The following STS variants were observed in gnomAD, a reference collection of about 807,000 sequenced individuals.
STS encodes the protein steroid sulfatase.
A neutral mutation model predicts 26.8 loss-of-function variants in STS; 7 were observed. The observed-to-expected ratio is 0.26, with a 90% CI of 0.15 to 0.49. The LOEUF (loss-of-function observed/expected upper bound fraction) is 0.49. STS is among the 20% of genes least tolerant of loss of function. The pLI is 0.98. For missense variants in STS, 434 were observed against 465.6 expected (o/e 0.93, Z 0.63); for synonymous variants, 199 against 189.4 (o/e 1.05, Z -0.42).
At chrX:7,279,259 G>A (rs1292796476) in intron 7 of STS, among the ~76,000 whole-genome samples, 2 of 95,068 alleles carry the variant, frequency 2.1e-5, no homozygotes, top group Admixed American at 2.4e-4. Flanking sequence ...AGCCGAGATC[G>A]CACCACTGTA....
Position 7,333,885 on chromosome X carries a change from T to C in STS, c.1242-101T>C, listed in dbSNP as rs192864762. On this transcript the variant is annotated intron_variant, in intron 9 of 10. Coordinates refer to ENST00000674429, the MANE Select transcript of STS (RefSeq NM_001320752.2). ...CCAGGTGGGGTCAGTCTTCTTTGTATTAATTACGACTGGAGCTCCCTCATG... is the reference window on the plus strand; with the variant it reads ...CCAGGTGGGGTCAGTCTTCTTTGTACTAATTACGACTGGAGCTCCCTCATG... 231 of 1,139,091 alleles carry C rather than the reference T, an allele frequency of 2.0e-4. No individual in the cohort carries two copies. The East Asian group carries it at 5.4e-3, about 27-fold the overall frequency. 93.9% of individuals were successfully genotyped at this position (1,139,091 alleles called of 1,213,427 possible). A position where few individuals can be genotyped will look rare whatever the true frequency, so the allele number is the denominator to read the frequency against.
intron 1 of STS, among the ~76,000 whole-genome samples, chrX:7,173,113 C>T (rs184710099): frequency 9.0e-6 from 1 of 110,681 alleles, no homozygotes; most frequent in East Asian, 2.9e-4. Flanking sequence ...ACACAGGCCC[C>T]AGTGTGTGTT....
intron 7 of STS, among the ~76,000 whole-genome samples, chrX:7,276,477 A>AAT (rs1569209875): frequency 1.8e-5 from 2 of 111,240 alleles, no homozygotes; most frequent in Admixed American, 9.5e-5. Flanking sequence ...TCTTAAAAAA[A>AAT]ATATATATAT....
intron 8 of STS, among the ~76,000 whole-genome samples, chrX:7,318,285 G>A (rs1193292423): frequency 1.8e-5 from 2 of 111,125 alleles, no homozygotes; most frequent in African/African-American, 6.5e-5. Flanking sequence ...GCCCGGGAGA[G>A]CAGATTTCGG....
At chrX:7,197,148 T>C (rs776677481) in intron 2 of STS, among the ~76,000 whole-genome samples, 3 of 111,937 alleles carry the variant, frequency 2.7e-5, no homozygotes, top group Non-Finnish European at 5.6e-5. Flanking sequence ...CCAGTAGGCT[T>C]CCTTCCTCTC....
At chrX:7,319,965 A>T (rs1601740268) in intron 8 of STS, among the ~76,000 whole-genome samples, 1 of 90,307 alleles carries the variant, frequency 1.1e-5, no homozygotes. Flanking sequence ...TTATATATAT[A>T]TTTTATATAT....
chrX:7,216,365 G>T (rs775654711), intron 2 of STS, among the ~76,000 whole-genome samples: 1 of 111,366 alleles, frequency 9.0e-6, no homozygotes, highest in South Asian at 3.8e-4. Context: ...CAACTCCATT[G>T]GTCCAAAAGT....
chrX:7,300,672 A>G (rs1203641851), intron 7 of STS, among the ~76,000 whole-genome samples: 1 of 111,432 alleles, frequency 9.0e-6, no homozygotes, highest in East Asian at 2.8e-4. Flanking sequence ...GTTGAGCTAA[A>G]TATTCTACCA....
intron 10 of STS, among the ~76,000 whole-genome samples, chrX:7,337,285 A>G (rs1221210380): frequency 8.9e-6 from 1 of 112,167 alleles, no homozygotes; most frequent in Non-Finnish European, 1.9e-5. Context: ...TAGCGCTGGC[A>G]TCTGTCAGTG....
intron 7 of STS, among the ~76,000 whole-genome samples, chrX:7,296,995 A>C (rs1007952059): frequency 3.6e-5 from 4 of 112,281 alleles, no homozygotes; most frequent in Non-Finnish European, 5.6e-5. Flanking sequence ...TAGAATGGCG[A>C]CATTGCACTC....
chrX:7,226,651 T>A (rs1387112949), intron 2 of STS, among the ~76,000 whole-genome samples: 1 of 111,537 alleles, frequency 9.0e-6, no homozygotes, highest in East Asian at 2.8e-4. Flanking sequence ...CCCAGCACTT[T>A]GAGAGGCTGA....
chrX:7,323,259 C>T lies in STS; in HGVS notation c.1082-2080C>T, dbSNP rs144603509. On this transcript the variant is annotated intron_variant, in intron 8 of 10. Transcript: ENST00000674429. Reference sequence around the variant, plus strand: ...TTTTAATTTTTAGATTCAGTGGGTACGTGTGCTGGTGTGTTACATGGGTAT... The same window carrying T: ...TTTTAATTTTTAGATTCAGTGGGTATGTGTGCTGGTGTGTTACATGGGTAT... Among the ~76,000 whole-genome samples the T allele has an allele frequency of 3.1e-3, 340 of 109,073 alleles. 2 individuals carry two copies. The highest frequency in any genetic ancestry group is 1.1e-3 in the East Asian group (4 of 3,482). 94.7% of individuals were successfully genotyped at this position (109,073 alleles called of 115,157 possible). A position where few individuals can be genotyped will look rare whatever the true frequency, so the allele number is the denominator to read the frequency against.
intron 1 of STS, among the ~76,000 whole-genome samples, chrX:7,162,955 G>A (rs1457595821): frequency 1.9e-5 from 2 of 105,946 alleles, no homozygotes; most frequent in Admixed American, 1.0e-4. Flanking sequence ...TACTCAGGAG[G>A]CTGAGGCAGG....
chrX:7,305,363 TA>T (rs1205500339), intron 8 of STS, among the ~76,000 whole-genome samples, 180 bp downstream of exon 8: 2 of 112,288 alleles, frequency 1.8e-5, no homozygotes, highest in Non-Finnish European at 3.8e-5. Context: ...CCACAGAATT[TA>T]AAAGCCCACA....
At chrX:7,155,463 G>T (rs1363072674) in intron 1 of STS, among the ~76,000 whole-genome samples, 1 of 111,517 alleles carries the variant, frequency 9.0e-6, no homozygotes, top group Non-Finnish European at 1.9e-5. Flanking sequence ...AAATAGTTAA[G>T]ATTTTAAGAA....
chrX:7,250,921 A>G (rs1270656385), intron 2 of STS, among the ~76,000 whole-genome samples: 1 of 112,526 alleles, frequency 8.9e-6, no homozygotes, highest in East Asian at 2.8e-4. Context: ...TGGACAGTGG[A>G]CACTCAGAAG....
chrX:7,171,019 G>C (rs1275965726), intron 1 of STS, among the ~76,000 whole-genome samples: 1 of 111,435 alleles, frequency 9.0e-6, no homozygotes, highest in Non-Finnish European at 1.9e-5. Context: ...GCCAGTCATG[G>C]GATATGCAGG....
In STS at chrX:7,147,858, G is replaced by A; in HGVS notation, c.-359G>A. On this transcript the variant is annotated 5_prime_UTR_variant, in exon 1 of 11. Transcript: ENST00000674429. ...CGCGGCCACGCGCGCCCGCCAGCCC[G>A]GACATGGGCCCGCGGGCGCTCCTGG... 1 of 185,822 alleles carries A rather than the reference G, an allele frequency of 5.4e-6. No homozygotes were observed. Among genetic ancestry groups the A allele is most frequent in the Non-Finnish European group, 1.0e-5 (1 of 95,969 alleles). The allele number at this position is 185,822 out of a possible 1,213,427, so 15.3% of individuals were successfully genotyped here. A position where few individuals can be genotyped will look rare whatever the true frequency, so the allele number is the denominator to read the frequency against.
At chrX:7,215,020 ATATT>A (rs1177271507) in intron 2 of STS, among the ~76,000 whole-genome samples, 4 of 72,489 alleles carry the variant, frequency 5.5e-5, no homozygotes, top group Non-Finnish European at 1.1e-4. Flanking sequence ...GTATATATAT[ATATT>A]ATATATGTAT....
Sources: allele counts gnomAD v4.1 joint callset (sites outside exome capture counted in the v4.1 genomes callset), GRCh38; gene constraint gnomAD v4.1.1; transcripts MANE v1.5; gene names NCBI Gene and HGNC (gene_info 2026-07-23, HGNC 2026-07-21).